DAB1: variants seen among roughly 807,000 people sequenced by gnomAD.
The protein encoded by DAB1 is DAB adaptor protein 1, also known as disabled homolog 1.
In DAB1, 15 loss-of-function variants were observed where a neutral mutation model predicts 64.6. That is an observed-to-expected ratio of 0.23 (90% CI 0.16 to 0.36). The LOEUF (loss-of-function observed/expected upper bound fraction) is 0.36. DAB1 is among the 10% of genes least tolerant of loss of function. The pLI is 1.00. For missense variants in DAB1, 596 were observed against 706.7 expected (o/e 0.84, Z 1.78); for synonymous variants, 235 against 251.9 (o/e 0.93, Z 0.64).
intron 7 of DAB1, among the ~76,000 whole-genome samples, chr1:57,487,608 T>C (rs989419490): frequency 2.6e-5 from 4 of 152,196 alleles, no homozygotes; most frequent in Non-Finnish European, 4.4e-5. Flanking sequence ...TTCTACCCTC[T>C]GAAATTGTTT....
intron 1 of DAB1, among the ~76,000 whole-genome samples, chr1:57,410,663 C>T (rs1424393757): frequency 3.3e-5 from 5 of 152,190 alleles, no homozygotes; most frequent in African/African-American, 4.8e-5. Flanking sequence ...CAAATCAAGA[C>T]GTCCTTCTCC....
intron 6 of DAB1, among the ~76,000 whole-genome samples, chr1:57,719,092 G>T (rs1647119746): frequency 6.6e-6 from 1 of 152,188 alleles, no homozygotes; most frequent in Non-Finnish European, 1.5e-5. Flanking sequence ...AAAAACATAT[G>T]TTGAGAAATT....
chr1:58,415,758 G>A (rs1644713804), intron 3 of DAB1, among the ~76,000 whole-genome samples: 1 of 152,222 alleles, frequency 6.6e-6, no homozygotes, highest in East Asian at 1.9e-4. Flanking sequence ...TCTGCCCTCA[G>A]TGAGTCTCCA....
intron 7 of DAB1, among the ~76,000 whole-genome samples, chr1:57,563,531 C>T (rs569531973): frequency 6.6e-6 from 1 of 152,154 alleles, no homozygotes; most frequent in Non-Finnish European, 1.5e-5. Flanking sequence ...AGGGAATTCC[C>T]TTTCCTAGCC....
intron 1 of DAB1, among the ~76,000 whole-genome samples, chr1:58,539,485 G>C (rs566533147): frequency 4.5e-4 from 68 of 152,238 alleles, no homozygotes; most frequent in African/African-American, 1.5e-3. Context: ...ATAAACCAGA[G>C]TATATATACC....
intron 3 of DAB1, among the ~76,000 whole-genome samples, chr1:58,489,772 T>C (rs1010391746): frequency 6.6e-6 from 1 of 152,134 alleles, no homozygotes; most frequent in Non-Finnish European, 1.5e-5. Flanking sequence ...GGCAGCAACA[T>C]TGGCTGTTCA....
intron 6 of DAB1, among the ~76,000 whole-genome samples, chr1:57,735,107 T>C (rs966904270): frequency 1.3e-5 from 2 of 152,218 alleles, no homozygotes; most frequent in African/African-American, 4.8e-5. Flanking sequence ...TTTTCAGTCC[T>C]TCAATTCCCC....
chr1:57,247,157 T>A (rs967792746), intron 2 of DAB1, among the ~76,000 whole-genome samples: 9 of 152,100 alleles, frequency 5.9e-5, no homozygotes, highest in African/African-American at 2.2e-4. Context: ...AGGGGCAAAA[T>A]TATATAGTCT....
At chr1:57,862,323 AT>A (rs1654083645) in intron 1 of DAB1, 1 of 152,214 alleles carries the variant, frequency 6.6e-6, no homozygotes, top group South Asian at 2.1e-4. Context: ...GATTTTGCAG[AT>A]TGGTAAATTG....
At chr1:57,151,726 G>A (rs1659685212) in intron 2 of DAB1, among the ~76,000 whole-genome samples, 1 of 150,508 alleles carries the variant, frequency 6.6e-6, no homozygotes, top group Non-Finnish European at 1.5e-5. Context: ...AAAGTTGTTA[G>A]TAATAATATA....
chr1:58,032,130 C>A (rs1646981208), intron 5 of DAB1, among the ~76,000 whole-genome samples: 1 of 151,780 alleles, frequency 6.6e-6, no homozygotes, highest in African/African-American at 2.4e-5. Flanking sequence ...GAATGCAGAA[C>A]CTCCAGCCAG....
intron 2 of DAB1, among the ~76,000 whole-genome samples, chr1:57,157,570 A>AAGAGAG (rs34642210): frequency 1.9e-4 from 28 of 148,186 alleles, no homozygotes; most frequent in African/African-American, 6.2e-4. Flanking sequence ...TGCACTGAGA[A>AAGAGAG]AGAGAGAGAG....
intron 8 of DAB1, among the ~76,000 whole-genome samples, chr1:57,065,608 T>G (rs980286085): frequency 6.6e-6 from 1 of 152,244 alleles, no homozygotes; most frequent in Non-Finnish European, 1.5e-5. Context: ...ATTCAGCCCA[T>G]GAGTGCTAAG....
rs188670068 is a variant in DAB1, at chr1:58,020,704, T to C, written n.387+129807A>G. ...TAAAACTGCCTAGAATCAAGTAGCC[T>C]CTTAGGAAGAAAAGACCAGCCAGGC... On this transcript the variant is annotated intron_variant and non_coding_transcript_variant, in intron 5 of 20. Coordinates refer to the DAB1 transcript ENST00000485760. Among the ~76,000 whole-genome samples the C allele has an allele frequency of 6.7e-4, 102 of 152,224 alleles. 2 individuals are homozygous for C. Among genetic ancestry groups the C allele is most frequent in the African/African-American group, 2.5e-3 (102 of 41,538 alleles).
At chr1:57,285,407 T>C (rs1672233681) in intron 2 of DAB1, among the ~76,000 whole-genome samples, 1 of 152,208 alleles carries the variant, frequency 6.6e-6, no homozygotes, top group Non-Finnish European at 1.5e-5. Context: ...TAGCTGGGAT[T>C]ACAGGCGAGT....
chr1:58,463,622 G>T (rs141165445), intron 3 of DAB1, among the ~76,000 whole-genome samples: 15 of 152,334 alleles, frequency 9.8e-5, no homozygotes, highest in Non-Finnish European at 1.8e-4. Context: ...GAGAGTCTGT[G>T]TGTACATGTA....
chr1:58,187,947 C>T (rs1657179174), intron 4 of DAB1, among the ~76,000 whole-genome samples: 2 of 148,092 alleles, frequency 1.4e-5, no homozygotes, highest in Admixed American at 6.8e-5. Context: ...CTCGCTCTTA[C>T]ACCCAGGCTG....
intron 5 of DAB1, among the ~76,000 whole-genome samples, chr1:57,894,880 C>T (rs764913273): frequency 6.6e-6 from 1 of 151,976 alleles, no homozygotes; most frequent in Admixed American, 6.6e-5. Context: ...ACTTTACAGC[C>T]CATTCAAACT....
chr1:57,569,633 A>G (rs1388712632), intron 7 of DAB1, among the ~76,000 whole-genome samples: 1 of 152,114 alleles, frequency 6.6e-6, no homozygotes, highest in African/African-American at 2.4e-5. Flanking sequence ...GCATTAGGAG[A>G]TAAACCTAAT....
Sources: gnomAD v4.1 joint callset for allele counts (sites outside exome capture counted in the v4.1 genomes callset) on GRCh38, gnomAD v4.1.1 for gene constraint, MANE v1.5 for transcripts, NCBI Gene and HGNC (gene_info 2026-07-23, HGNC 2026-07-21) for gene names.